The following ART3 variants were observed in gnomAD, a reference collection of about 807,000 sequenced individuals.
ART3 encodes the protein ADP-ribosyltransferase 3 (inactive), also known as ecto-ADP-ribosyltransferase 3.
ART3 carries 49 observed loss-of-function variants against 48.5 expected under a neutral mutation model. The ratio of observed to expected loss-of-function variants is 1.01; its 90% CI spans 0.80 to 1.28. The LOEUF is 1.28. Among genes scored for constraint, ART3 ranks in the 50% most tolerant of loss-of-function variants. The pLI, the probability that ART3 is intolerant of heterozygous loss-of-function variation, is 0.00. For synonymous variants in ART3, 145 were observed against 157.2 expected, an observed-to-expected ratio of 0.92 and a Z score of 0.58; for missense variants, 438 against 454.3, an observed-to-expected ratio of 0.96 and a Z score of 0.33.
chr4:76,078,895 A>G (rs1244496489), intron 2 of ART3, among the ~76,000 whole-genome samples: 6 of 152,120 alleles, frequency 3.9e-5, no homozygotes, highest in Non-Finnish European at 7.4e-5. Flanking sequence ...CCTGGCTAAC[A>G]TGGTGAAACC....
chr4:76,044,631 T>C (rs989763829), intron 1 of ART3, among the ~76,000 whole-genome samples: 14 of 151,688 alleles, frequency 9.2e-5, no homozygotes, highest in Non-Finnish European at 4.4e-5. Context: ...AACTCTCTCT[T>C]TGACTTTCTG....
upstream of ART3, among the ~76,000 whole-genome samples, chr4:76,069,788 A>T (rs1720132714): frequency 6.6e-6 from 1 of 151,514 alleles, no homozygotes; most frequent in African/African-American, 2.4e-5. Flanking sequence ...TGAAATCTAG[A>T]CCACTTTTTG....
intron 1 of ART3, among the ~76,000 whole-genome samples, chr4:76,012,901 T>A (rs1731928319): frequency 6.6e-6 from 1 of 152,230 alleles, no homozygotes; most frequent in Non-Finnish European, 1.5e-5. Flanking sequence ...GTAAGTAATT[T>A]TACAAGAAAA....
At chr4:76,108,735 T>C (rs891566959) in intron 11 of ART3, among the ~76,000 whole-genome samples, 1 of 152,164 alleles carries the variant, frequency 6.6e-6, no homozygotes, top group Non-Finnish European at 1.5e-5. Context: ...TAGTGTGTAC[T>C]TACCCAACCC....
At chr4:76,075,792 A>C in intron 1 of ART3, 89 bp from the exon 2 acceptor site, 1 of 977,166 alleles carries the variant, frequency 1.0e-6, no homozygotes, top group Non-Finnish European at 1.5e-6. Flanking sequence ...TCACATTCTA[A>C]ATGAAAAAAT....
At chr4:76,024,945 C>T (rs989373928) in intron 1 of ART3, among the ~76,000 whole-genome samples, 1 of 152,182 alleles carries the variant, frequency 6.6e-6, no homozygotes, top group Non-Finnish European at 1.5e-5. Context: ...AATGTAGGAA[C>T]TCCATCATTA....
intron 1 of ART3, among the ~76,000 whole-genome samples, chr4:76,039,231 C>T (rs996464471): frequency 2.0e-5 from 3 of 151,932 alleles, no homozygotes; most frequent in Non-Finnish European, 4.4e-5. Context: ...TCCCAAGTAG[C>T]TGGGATTACA....
At chr4:76,069,525 G>T (rs945824142) in intron 1 of ART3, among the ~76,000 whole-genome samples, 34 of 151,528 alleles carry the variant, frequency 2.2e-4, no homozygotes, top group African/African-American at 8.2e-4. Context: ...TAATGGCTGG[G>T]ATTACAGGCA....
rs181357542 is a variant in ART3 at position 76,067,832 on chromosome 4, T to G, written c.-9-8049T>G. ...GTGGCCTGCCATTGAAGAAATATCT[T>G]GTTCTGGTGCTGACCTCTAGCGGTC... is the stretch of plus-strand genomic sequence containing the variant. On this transcript the variant is annotated intron_variant, in intron 1 of 9. Transcript: ENST00000341029. Among the ~76,000 whole-genome samples the G allele has an allele frequency of 5.8e-3, 883 of 152,348 alleles. 5 individuals are homozygous for G. The highest frequency in any genetic ancestry group is 8.4e-3 in the Non-Finnish European group (569 of 68,024).
intron 2 of ART3, among the ~76,000 whole-genome samples, chr4:76,078,974 G>A (rs1721782704): frequency 2.6e-5 from 4 of 152,116 alleles, no homozygotes; most frequent in Admixed American, 6.5e-5. Context: ...CCAGCTACTG[G>A]GGAGGCTGAA....
At position 76,091,041 on chromosome 4, in the gene ART3, G is replaced by A. The variant is rs866561273; in HGVS notation, c.782-6603G>A. 3.0e-4 allele frequency among the ~76,000 whole-genome samples: 45 copies of A among 152,108 alleles called. 1 individual carries two copies. The highest frequency in any genetic ancestry group is 1.2e-3 in the Admixed American group (19 of 15,298). On this transcript the variant is annotated intron_variant, in intron 3 of 11. Coordinates refer to ENST00000355810, the MANE Select transcript of ART3 (RefSeq NM_001130016.3). Reference sequence around the variant, plus strand: ...CTTTTTTGCCTGGCTTCTTTCACTCGGCATAATTGTTTTGAGATTCATCTG... The same window carrying A: ...CTTTTTTGCCTGGCTTCTTTCACTCAGCATAATTGTTTTGAGATTCATCTG...
intron 1 of ART3, chr4:76,036,011 G>A: frequency 6.2e-7 from 1 of 1,609,342 alleles, no homozygotes; most frequent in South Asian, 1.1e-5. Flanking sequence ...TGTTGCTGCT[G>A]GTGCTGCTGC....
intron 1 of ART3, chr4:76,034,305 T>C (rs956489880): frequency 1.5e-5 from 6 of 397,872 alleles, no homozygotes; most frequent in Admixed American, 4.4e-5. Context: ...CCAGTAATAA[T>C]GTCAATGTCT....
intron 1 of ART3, among the ~76,000 whole-genome samples, chr4:76,028,321 A>G (rs934698400): frequency 2.0e-5 from 3 of 152,366 alleles, no homozygotes; most frequent in Admixed American, 1.3e-4. Flanking sequence ...TTTATGGTAT[A>G]ATCACGTTCC....
intron 2 of ART3, 47 bp downstream of exon 2, chr4:76,076,005 T>G (rs780079611): frequency 7.6e-6 from 5 of 654,716 alleles, no homozygotes; most frequent in Non-Finnish European, 1.0e-5. Context: ...TGGAAATTCG[T>G]TTTTTTTTTT....
At chr4:76,090,925 C>T (rs1384647204) in intron 3 of ART3, among the ~76,000 whole-genome samples, 2 of 152,100 alleles carry the variant, frequency 1.3e-5, no homozygotes, top group Non-Finnish European at 2.9e-5. Context: ...TTTCCCAGTC[C>T]CCCCAGGCAT....
In ART3 at chr4:76,065,579, T is replaced by A. The variant is rs368375312; in HGVS notation, c.-9-10302T>A. 1.0e-4 allele frequency among the ~76,000 whole-genome samples: 6 copies of A among 59,796 alleles called. No homozygotes were observed. The East Asian group carries it at 4.4e-3, about 44-fold the overall frequency. The allele number at this position is 59,796 out of a possible 152,430, so 39.2% of individuals were successfully genotyped here. Reference sequence around the variant, plus strand: ...CACACACACACACACACACACACACTCGTTGAAATCATTACCATAGAGACT... The same window carrying A: ...CACACACACACACACACACACACACACGTTGAAATCATTACCATAGAGACT... On this transcript the variant is annotated intron_variant, in intron 1 of 9. Transcript: ENST00000341029.
upstream of ART3, among the ~76,000 whole-genome samples, chr4:76,072,064 G>A (rs2149507162): frequency 6.6e-6 from 1 of 152,210 alleles, no homozygotes; most frequent in Admixed American, 6.5e-5. Flanking sequence ...CTACCGACAT[G>A]TGCCACTGCA....
At chr4:76,034,511 A>G in intron 1 of ART3, 1 of 521,596 alleles carries the variant, frequency 1.9e-6, no homozygotes, top group Non-Finnish European at 3.3e-6. Flanking sequence ...GATGGTAACC[A>G]GCCTTTCTTA....
Sources: allele counts gnomAD v4.1 joint callset (sites outside exome capture counted in the v4.1 genomes callset), GRCh38; gene constraint gnomAD v4.1.1; transcripts MANE v1.5; gene names NCBI Gene and HGNC (gene_info 2026-07-23, HGNC 2026-07-21).